Variants in BDP1 observed in about 807,000 individuals in gnomAD.
The protein encoded by BDP1 is transcription factor TFIIIB component B'' homolog.
In BDP1, 169 loss-of-function variants were observed where a neutral mutation model predicts 266.6. The observed-to-expected ratio is 0.63, with a 90% confidence interval of 0.56 to 0.72. The LOEUF is 0.72. Among genes scored for constraint, BDP1 ranks in the 30% least tolerant of loss-of-function variants. The probability of loss-of-function intolerance (pLI) is 0.00; values close to 1 mark genes in which losing one functional copy is unlikely to be tolerated. For missense variants in BDP1, 3,015 were observed against 3,053.8 expected, an observed-to-expected ratio of 0.99 and a Z score of 0.30; for synonymous variants, 1,090 against 1,022.4, an observed-to-expected ratio of 1.07 and a Z score of -1.26.
chr5:71,572,654 G>A (rs183809824), downstream of BDP1, among the ~76,000 whole-genome samples: 5 of 152,268 alleles, frequency 3.3e-5, no homozygotes, highest in Admixed American at 6.5e-5. Flanking sequence ...ACTGGTGCTC[G>A]GGTTCTCAGA....
rs1230034894 is a variant in BDP1 at position 71,512,277 on chromosome 5, C to A, written c.4096C>A (p.Pro1366Thr). 4 of 1,582,978 alleles carry A rather than the reference C, an allele frequency of 2.5e-6. No homozygotes were observed. Among genetic ancestry groups the A allele is most frequent in the Admixed American group, 3.8e-5 (2 of 52,776 alleles). The change falls in exon 18 of 39, where the codon CCT becomes ACT. Residue 1366 changes from proline (P) to threonine (T), a missense_variant. This residue lies in a region of BDP1 where 2,383 missense variants were observed against 2,404.9 expected (regional missense o/e 0.99). Transcript: ENST00000358731. ...SSEVLSMMHT[P>T]VEEKRNSEKE... is the part of the protein sequence containing the mutation. ...TGAAGTACTGTCGATGATGCATACA[C>A]CTGTAGAAGAAAAAAGAAATTCTGA... is the stretch of plus-strand genomic sequence containing the variant.
In BDP1 at chr5:71,562,354, ATAG is replaced by A; in HGVS notation, c.7580_7582del (p.Ser2527del). 6.2e-7 allele frequency: 1 copy of A among 1,613,760 alleles called. No homozygotes were observed. The highest frequency in any genetic ancestry group is 1.1e-5 in the South Asian group (1 of 91,068). Reference sequence around the variant, plus strand: ...GAGTCTGATGAACCTATGCAAGTCCATAGTAAGAAACGCCTAAAACCTCTTATA... The same window carrying A: ...GAGTCTGATGAACCTATGCAAGTCCATAAGAAACGCCTAAAACCTCTTATA... On this transcript the variant is annotated inframe_deletion, in exon 38 of 39. Transcript: ENST00000358731.
intron 7 of BDP1, among the ~76,000 whole-genome samples, chr5:71,482,739 A>G (rs527390574): frequency 2.6e-5 from 4 of 152,346 alleles, no homozygotes; most frequent in African/African-American, 7.2e-5. Flanking sequence ...TTTATAGCCA[A>G]TCATTTTTTG....
chr5:71,569,969 T>C (rs1319625649), downstream of BDP1, among the ~76,000 whole-genome samples: 1 of 152,230 alleles, frequency 6.6e-6, no homozygotes, highest in African/African-American at 2.4e-5. Flanking sequence ...CCACTCACTA[T>C]GTGGGTCAGA....
intron 7 of BDP1, among the ~76,000 whole-genome samples, chr5:71,471,437 C>G (rs892529317): frequency 6.6e-6 from 1 of 152,146 alleles, no homozygotes; most frequent in African/African-American, 2.4e-5. Flanking sequence ...AGCCATCATG[C>G]CCGGTTGAGG....
chr5:71,496,847 TG>T (rs1409464630), intron 12 of BDP1, among the ~76,000 whole-genome samples: 1 of 152,244 alleles, frequency 6.6e-6, no homozygotes, highest in African/African-American at 2.4e-5. Flanking sequence ...CCTCCCAAAG[TG>T]CTGGGATTAT....
intron 36 of BDP1, 35 bp from the exon 37 acceptor site, chr5:71,559,947 G>C (rs781325845): frequency 3.2e-5 from 52 of 1,606,352 alleles, no homozygotes; most frequent in Non-Finnish European, 4.2e-5. Flanking sequence ...ATTAACTTCA[G>C]TATCCTTGCT....
chr5:71,523,795 T>G (rs1172494792), intron 24 of BDP1, 144 bp from the exon 25 acceptor site: 1 of 777,268 alleles, frequency 1.3e-6, no homozygotes, highest in Non-Finnish European at 2.0e-6. Flanking sequence ...TTTTTTATTT[T>G]CACAGCATAA....
chr5:71,524,252 C>T lies in BDP1; in HGVS notation c.5701C>T (p.Pro1901Ser), dbSNP rs1765656212. ...HLAPEEVNKA[P>S]VFVPVGLRSP... ...TGCTCCCGAAGAAGTAAACAAAGCT[C>T]CAGTATTTGTACCTGTTGGTCTCAG... is the stretch of plus-strand genomic sequence containing the variant. The change falls in exon 25 of 39, where the codon CCA (proline) becomes TCA (serine). Residue 1901 changes from proline to serine, a missense_variant. Pro to Ser is a moderately conservative substitution (Grantham distance 74). Coordinates refer to ENST00000358731, the MANE Select transcript of BDP1 (RefSeq NM_018429.3). The T allele has an allele frequency of 1.2e-6, 2 of 1,613,860 alleles. No homozygotes were observed. The highest frequency in any genetic ancestry group is 1.7e-6 in the Non-Finnish European group (2 of 1,179,886).
At chr5:71,576,856 A>AAAGATGAT in the BDP1 span, among the ~76,000 whole-genome samples, 1 of 152,298 alleles carries the variant, frequency 6.6e-6, no homozygotes, top group East Asian at 1.9e-4. Context: ...GACCAATTCA[A>AAAGATGAT]AAGATGATAT....
At chr5:71,525,374 G>A (rs1433054908) in intron 25 of BDP1, among the ~76,000 whole-genome samples, 54 of 141,810 alleles carry the variant, frequency 3.8e-4, no homozygotes, top group South Asian at 1.2e-3. Flanking sequence ...CGGATGGGGC[G>A]GCTGGCCGGG....
At position 71,497,351 on chromosome 5, in the gene BDP1, G is replaced by A. The variant is rs1419534739; in HGVS notation, c.1881G>A (p.Gly627=). 2 of 1,613,788 alleles carry A rather than the reference G, an allele frequency of 1.2e-6. No individual in the cohort carries two copies. Among genetic ancestry groups the A allele is most frequent in the Non-Finnish European group, 1.7e-6 (2 of 1,179,890 alleles). ...CTAAACCCAATTTGTCAAGGGCTGG[G>A]AAGAAATCAGTTCTTTCACAAGGCA... ...QRPKPNLSRA[G]KKSVLSQGKT... The change falls in exon 13 of 39, where the codon GGG becomes GGA. Residue 627 remains glycine, a synonymous_variant. Coordinates refer to ENST00000358731, the MANE Select transcript of BDP1 (RefSeq NM_018429.3).
At chr5:71,577,614 C>T in the BDP1 span, among the ~76,000 whole-genome samples, 1 of 152,194 alleles carries the variant, frequency 6.6e-6, no homozygotes, top group South Asian at 2.1e-4. Context: ...GGAGCTTTCA[C>T]ATCCGACATC....
At chr5:71,458,971 T>A (rs972528907) in intron 2 of BDP1, 116 bp downstream of exon 2, 2 of 928,004 alleles carry the variant, frequency 2.2e-6, no homozygotes, top group East Asian at 5.1e-5. Context: ...ATAACATCCC[T>A]TAGTCAATAG....
chr5:71,560,099 A>T lies in BDP1; in HGVS notation c.7358A>T (p.Asp2453Val). ...CAGAGTAGAGGATCTAGATCTCCTG[A>T]TGCATGCATGGACAAGAATGTGCCT... ...AFQSRGSRSP[D>V]ACMDKNVPQL... Residue 2453 changes from aspartate to valine, a missense_variant, in exon 37 of 39, where the codon GAT becomes GTT. By Grantham distance (152) the Asp-to-Val change is radical (BLOSUM62 -3). Transcript: ENST00000358731. 1.2e-6 allele frequency: 2 copies of T among 1,614,150 alleles called. No homozygotes were observed. Among genetic ancestry groups the T allele is most frequent in the Non-Finnish European group, 1.7e-6 (2 of 1,180,004 alleles).
At chr5:71,553,865 C>G (rs143010430) in intron 35 of BDP1, among the ~76,000 whole-genome samples, 25 of 152,246 alleles carry the variant, frequency 1.6e-4, no homozygotes, top group African/African-American at 6.0e-4. Flanking sequence ...CTTAAATGTC[C>G]CAGGACACTT....
chr5:71,520,119 G>C (rs765963380), intron 22 of BDP1, among the ~76,000 whole-genome samples: 8 of 152,126 alleles, frequency 5.3e-5, no homozygotes, highest in Non-Finnish European at 1.0e-4. Flanking sequence ...TTTGAGAACT[G>C]TCTGTTCTCT....
chr5:71,500,881 C>T (rs1010175968), intron 13 of BDP1, among the ~76,000 whole-genome samples: 18 of 151,938 alleles, frequency 1.2e-4, no homozygotes, highest in Non-Finnish European at 4.4e-5. Flanking sequence ...GGGCTAATCA[C>T]CTGAGCCCAG....
At chr5:71,507,404 C>G (rs1764642893) in intron 16 of BDP1, among the ~76,000 whole-genome samples, 2 of 152,152 alleles carry the variant, frequency 1.3e-5, no homozygotes, top group Admixed American at 6.5e-5. Context: ...AACAATCAAT[C>G]TATTGCTTTG....
Sources: allele counts gnomAD v4.1 joint callset (sites outside exome capture counted in the v4.1 genomes callset), GRCh38; gene constraint gnomAD v4.1.1; regional missense constraint gnomAD v4.1.1; transcripts MANE v1.5; gene names NCBI Gene and HGNC (gene_info 2026-07-23, HGNC 2026-07-21).